CELF4: variants seen among roughly 807,000 people sequenced by gnomAD.
The protein encoded by CELF4 is CUGBP Elav-like family member 4, also known as CUG-BP- and ETR-3-like factor 4.
A neutral mutation model predicts 59.9 loss-of-function variants in CELF4; 18 were observed. That is an observed-to-expected ratio of 0.30 (90% CI 0.21 to 0.45). The LOEUF (loss-of-function observed/expected upper bound fraction) is 0.45, where lower values mean the gene tolerates loss of function less well. CELF4 is among the 20% of genes least tolerant of loss of function. CELF4 has a pLI of 1.00. For synonymous variants in CELF4, 261 were observed against 267.1 expected (o/e 0.98, Z 0.22); for missense variants, 456 against 689.0 (o/e 0.66, Z 3.79).
At chr18:37,273,234 T>A in intron 6 of CELF4, 71 bp from the exon 7 acceptor site, 1 of 1,548,212 alleles carries the variant, frequency 6.5e-7, no homozygotes, top group Non-Finnish European at 8.8e-7. Context: ...GGGCCTCAGC[T>A]CCTGGAGACC....
chr18:37,302,640 C>T (rs2096135499), intron 3 of CELF4, among the ~76,000 whole-genome samples: 2 of 152,128 alleles, frequency 1.3e-5, no homozygotes, highest in African/African-American at 4.8e-5. Context: ...AGGATTGACG[C>T]CTCCCCAGGC....
At chr18:37,337,816 G>A (rs2097829024) in intron 2 of CELF4, among the ~76,000 whole-genome samples, 1 of 152,218 alleles carries the variant, frequency 6.6e-6, no homozygotes. Context: ...CCAGGCCACT[G>A]TGCCAGGGAC....
Position 37,273,005 on chromosome 18 carries a change from T to A in CELF4, c.949+11A>T, listed in dbSNP as rs948556273. 1 of 1,599,766 alleles carries A rather than the reference T, an allele frequency of 6.3e-7. No individual in the cohort carries two copies. Among genetic ancestry groups the A allele is most frequent in the Admixed American group, 1.7e-5 (1 of 59,764 alleles). On this transcript the variant is annotated intron_variant, in intron 7 of 12. Coordinates refer to ENST00000420428, the MANE Select transcript of CELF4 (RefSeq NM_020180.4). The stretch of plus-strand genomic sequence containing the variant: ...CCGGGCCAGACCGCGTGTTGGCACC[T>A]GCCAGCTCACCTGAGGTTGGGGTCA...
chr18:37,407,161 A>T (rs1240030864), intron 2 of CELF4, among the ~76,000 whole-genome samples: 1 of 152,200 alleles, frequency 6.6e-6, no homozygotes, highest in Non-Finnish European at 1.5e-5. Flanking sequence ...AGAGAGGATG[A>T]TATTATCTGC....
chr18:37,512,656 T>A (rs2099945846), intron 1 of CELF4, among the ~76,000 whole-genome samples: 1 of 150,598 alleles, frequency 6.6e-6, no homozygotes, highest in South Asian at 2.1e-4. Context: ...TCCTTCTCCA[T>A]CTCTTTCTTC....
chr18:37,315,632 C>A (rs1376327301), intron 3 of CELF4, among the ~76,000 whole-genome samples: 1 of 152,136 alleles, frequency 6.6e-6, no homozygotes, highest in Admixed American at 6.5e-5. Context: ...GGAGCACCCC[C>A]CAGTGTGCCA....
At chr18:37,491,359 G>T (rs925358149) in intron 1 of CELF4, among the ~76,000 whole-genome samples, 6 of 152,166 alleles carry the variant, frequency 3.9e-5, no homozygotes, top group East Asian at 1.9e-4. Context: ...GAACACTTTG[G>T]CCGGCACACA....
At chr18:37,389,578 T>A (rs564635065) in intron 2 of CELF4, among the ~76,000 whole-genome samples, 18 of 152,212 alleles carry the variant, frequency 1.2e-4, no homozygotes, top group South Asian at 6.2e-4. Context: ...CTGCTCACCA[T>A]GGCTGGACCT....
intron 1 of CELF4, among the ~76,000 whole-genome samples, chr18:37,493,653 A>G (rs12051974): frequency 0.13 from 18,376 of 138,834 alleles, 1,502 homozygotes; most frequent in East Asian, 0.36. Context: ...GGCAGCCTGC[A>G]GGGTGGGGGT....
chr18:37,372,737 T>C (rs1470313106), intron 2 of CELF4, among the ~76,000 whole-genome samples: 1 of 152,088 alleles, frequency 6.6e-6, no homozygotes, highest in Non-Finnish European at 1.5e-5. Flanking sequence ...TGCTATTACT[T>C]ATGAGACTCA....
intron 2 of CELF4, among the ~76,000 whole-genome samples, chr18:37,345,782 T>C (rs567681426): frequency 1.2e-4 from 18 of 152,114 alleles, no homozygotes; most frequent in African/African-American, 3.9e-4. Flanking sequence ...ACCCCTGATA[T>C]AGAAAGGCAC....
chr18:37,537,903 C>A lies in CELF4; in HGVS notation c.286+27453G>T, dbSNP rs561192008. The stretch of plus-strand genomic sequence containing the variant: ...CCACATGGAAGCCGCGGACGTGACT[C>A]CCCGACCTGGTGTCCCATCATGGGC... On this transcript the variant is annotated intron_variant, in intron 1 of 12. Coordinates refer to ENST00000420428, the MANE Select transcript of CELF4 (RefSeq NM_020180.4). 2.0e-5 allele frequency among the ~76,000 whole-genome samples: 3 copies of A among 152,370 alleles called. No homozygotes were observed. In the East Asian group the frequency reaches 5.8e-4, roughly 29 times the overall value.
At chr18:37,452,484 C>T (rs559673919) in intron 2 of CELF4, among the ~76,000 whole-genome samples, 54 of 152,154 alleles carry the variant, frequency 3.5e-4, no homozygotes, top group African/African-American at 1.2e-3. Context: ...GGCTGTCAGA[C>T]GCCAGCACCT....
intron 1 of CELF4, among the ~76,000 whole-genome samples, chr18:37,535,614 C>T (rs939328356): frequency 5.3e-5 from 8 of 152,140 alleles, no homozygotes; most frequent in African/African-American, 1.2e-4. Flanking sequence ...AGGTAATACA[C>T]GTGTATTACT....
At chr18:37,353,233 A>AAAAATATAT (rs71168258) in intron 2 of CELF4, among the ~76,000 whole-genome samples, 36 of 106,966 alleles carry the variant, frequency 3.4e-4, no homozygotes, top group East Asian at 8.5e-4. Flanking sequence ...AAAAAAAAAA[A>AAAAATATAT]ATATATATAT....
At chr18:37,410,601 C>T (rs1438990743) in intron 2 of CELF4, among the ~76,000 whole-genome samples, 1 of 152,256 alleles carries the variant, frequency 6.6e-6, no homozygotes, top group African/African-American at 2.4e-5. Flanking sequence ...TGTCTCTGCA[C>T]ATAGGCCATC....
chr18:37,273,307 TC>T, intron 6 of CELF4, 144 bp from the exon 7 acceptor site: 1 of 1,436,118 alleles, frequency 7.0e-7, no homozygotes, highest in East Asian at 2.5e-5. Context: ...CTGATGCCTC[TC>T]CCATTCTTGC....
chr18:37,379,933 G>A lies in CELF4; in HGVS notation c.370-58052C>T, dbSNP rs115917609. On this transcript the variant is annotated intron_variant, in intron 2 of 12. Coordinates refer to ENST00000420428, the MANE Select transcript of CELF4 (RefSeq NM_020180.4). ...GGAGGCCAAGATGCTTTCCTGCTCCGGGGTTCCTCACCCTTAGACCCACCC... is the reference window on the plus strand; with the variant it reads ...GGAGGCCAAGATGCTTTCCTGCTCCAGGGTTCCTCACCCTTAGACCCACCC... 3.2e-3 allele frequency among the ~76,000 whole-genome samples: 494 copies of A among 152,164 alleles called. 5 individuals carry two copies. The highest frequency in any genetic ancestry group is 0.011 in the African/African-American group (470 of 41,528).
chr18:37,343,535 C>T (rs1487260790), intron 2 of CELF4, among the ~76,000 whole-genome samples: 1 of 151,958 alleles, frequency 6.6e-6, no homozygotes, highest in African/African-American at 2.4e-5. Flanking sequence ...TGTTCAGCCT[C>T]CCCACCTCCC....
Sources: gnomAD v4.1 joint callset for allele counts (sites outside exome capture counted in the v4.1 genomes callset) on GRCh38, gnomAD v4.1.1 for gene constraint, MANE v1.5 for transcripts, NCBI Gene and HGNC (gene_info 2026-07-23, HGNC 2026-07-21) for gene names.